The following SORCS1 variants were observed in gnomAD, a reference collection of about 807,000 sequenced individuals.
SORCS1 encodes VPS10 domain-containing receptor SorCS1.
In SORCS1, 60 loss-of-function variants were observed where a neutral mutation model predicts 146.1. The ratio of observed to expected loss-of-function variants is 0.41; its 90% CI spans 0.33 to 0.51. The LOEUF is 0.51. Ranked by LOEUF, SORCS1 falls within the 20% of genes least tolerant of loss-of-function variation. The pLI is 0.21. For synonymous variants in SORCS1, 637 were observed against 584.0 expected (o/e 1.09, Z -1.31); for missense variants, 1,352 against 1,487.6 (o/e 0.91, Z 1.50).
chr10:106,743,702 G>A (rs1857515413), intron 5 of SORCS1, among the ~76,000 whole-genome samples: 1 of 152,082 alleles, frequency 6.6e-6, no homozygotes, highest in Non-Finnish European at 1.5e-5. Flanking sequence ...TGGGATTATA[G>A]GTGTGAGCCA....
At position 106,577,198 on chromosome 10, in the gene SORCS1, G is replaced by C; in HGVS notation, c.*222C>G. On this transcript the variant is annotated 3_prime_UTR_variant, in exon 26 of 26. Coordinates refer to ENST00000263054, the MANE Select transcript of SORCS1 (RefSeq NM_052918.5). ...TATGTTTTGTTTTGTTTTTGTTTTT[G>C]TTTTTTTACTGGCGTCCTCCATTCA... The C allele has an allele frequency of 6.6e-7, 1 of 1,518,350 alleles. No individual in the cohort carries two copies. Among genetic ancestry groups the C allele is most frequent in the South Asian group, 1.2e-5 (1 of 84,956 alleles). The allele number at this position is 1,518,350 out of a possible 1,614,324, so 94.1% of individuals were successfully genotyped here. A position where few individuals can be genotyped will look rare whatever the true frequency, so the allele number is the denominator to read the frequency against.
intron 4 of SORCS1, among the ~76,000 whole-genome samples, chr10:106,767,139 G>A (rs988162664): frequency 2.0e-5 from 3 of 152,176 alleles, no homozygotes; most frequent in Admixed American, 1.3e-4. Flanking sequence ...ATGTCATTAA[G>A]GTCAAAAGAT....
chr10:106,732,844 G>A (rs1346632254), intron 5 of SORCS1, among the ~76,000 whole-genome samples: 1 of 152,152 alleles, frequency 6.6e-6, no homozygotes, highest in Non-Finnish European at 1.5e-5. Context: ...GGCAAGGCCA[G>A]GTGCAGTGGC....
intron 1 of SORCS1, among the ~76,000 whole-genome samples, chr10:107,023,621 G>A (rs549301191): frequency 2.2e-4 from 33 of 152,164 alleles, no homozygotes; most frequent in Non-Finnish European, 3.1e-4. Context: ...AGTAGAGACC[G>A]GAAGGACTAA....
intron 2 of SORCS1, among the ~76,000 whole-genome samples, chr10:106,862,852 A>T (rs1950076228): frequency 6.7e-6 from 1 of 150,156 alleles, no homozygotes; most frequent in Admixed American, 6.6e-5. Flanking sequence ...TGAGACTTAG[A>T]TTAAAGTAAG....
At chr10:106,734,098 T>C (rs1856791111) in intron 5 of SORCS1, among the ~76,000 whole-genome samples, 1 of 152,166 alleles carries the variant, frequency 6.6e-6, no homozygotes, top group Non-Finnish European at 1.5e-5. Context: ...TCTGTAAATA[T>C]ATGATAAAAA....
chr10:106,779,786 C>A (rs1170824025), intron 3 of SORCS1, among the ~76,000 whole-genome samples: 1 of 152,106 alleles, frequency 6.6e-6, no homozygotes, highest in East Asian at 1.9e-4. Context: ...CTGTGCCCAG[C>A]CCCCCAAATA....
intron 1 of SORCS1, among the ~76,000 whole-genome samples, chr10:107,000,037 G>C (rs972704525): frequency 2.6e-5 from 4 of 152,120 alleles, no homozygotes; most frequent in African/African-American, 9.7e-5. Flanking sequence ...CAGAGAAGTG[G>C]GAGAAGGGGA....
chr10:106,666,394 A>C (rs1233275285), intron 17 of SORCS1, among the ~76,000 whole-genome samples: 1 of 152,190 alleles, frequency 6.6e-6, no homozygotes, highest in African/African-American at 2.4e-5. Context: ...CCTTTGGACT[A>C]GAACTACAAC....
chr10:106,911,160 A>G (rs139502379), intron 2 of SORCS1, among the ~76,000 whole-genome samples: 6 of 152,362 alleles, frequency 3.9e-5, no homozygotes, highest in African/African-American at 1.4e-4. Flanking sequence ...GCATGGTGTT[A>G]ATTTTCAGTA....
Position 106,667,686 on chromosome 10 carries a change from T to C in SORCS1, c.2303+3A>G, listed in dbSNP as rs1326740873. The C allele has an allele frequency of 1.9e-6, 3 of 1,611,566 alleles. No homozygotes were observed. The highest frequency in any genetic ancestry group is 1.1e-5 in the South Asian group (1 of 90,754). On this transcript the variant is annotated splice_donor_region_variant and intron_variant, in intron 17 of 25. Coordinates refer to ENST00000263054, the MANE Select transcript of SORCS1 (RefSeq NM_052918.5). ...TCTCAAGGTCACTACTCCAGACACT[T>C]ACCCAGTACTATTGAGGTAACTCTG... is the stretch of plus-strand genomic sequence containing the variant.
chr10:106,839,922 C>A lies in SORCS1; in HGVS notation c.627-10249G>T, dbSNP rs147286606. ...CATGGCTTATTGGATATTTTAAGCC[C>A]ATTATTGAGACCTATTGCTCAGATA... On this transcript the variant is annotated intron_variant, in intron 2 of 25. Transcript: ENST00000263054. Among the ~76,000 whole-genome samples the A allele has an allele frequency of 6.0e-3, 915 of 152,238 alleles. 19 individuals carry two copies. Among genetic ancestry groups the A allele is most frequent in the African/African-American group, 0.021 (886 of 41,542 alleles).
chr10:106,718,449 G>C (rs1417701114), intron 6 of SORCS1, among the ~76,000 whole-genome samples: 5 of 152,192 alleles, frequency 3.3e-5, no homozygotes, highest in Admixed American at 6.5e-5. Context: ...CAGATGTTCA[G>C]ATGTGTCCAG....
intron 2 of SORCS1, among the ~76,000 whole-genome samples, chr10:106,840,010 A>C (rs1948954999): frequency 1.3e-5 from 2 of 152,196 alleles, no homozygotes; most frequent in Admixed American, 6.5e-5. Flanking sequence ...ATGAACTCTG[A>C]TGGAGATGTA....
chr10:106,911,973 T>C (rs906548122), intron 2 of SORCS1, among the ~76,000 whole-genome samples: 1 of 151,360 alleles, frequency 6.6e-6, no homozygotes, highest in South Asian at 2.1e-4. Flanking sequence ...ATTAGCCGGG[T>C]GTTGTGGCGG....
At chr10:107,102,191 T>G (rs1223833628) in intron 1 of SORCS1, among the ~76,000 whole-genome samples, 2 of 152,222 alleles carry the variant, frequency 1.3e-5, no homozygotes, top group Non-Finnish European at 2.9e-5. Flanking sequence ...CATTGCATTT[T>G]AAGGACTTGT....
intron 2 of SORCS1, among the ~76,000 whole-genome samples, chr10:106,877,248 C>T (rs987269985): frequency 4.6e-5 from 7 of 152,066 alleles, no homozygotes; most frequent in African/African-American, 1.7e-4. Flanking sequence ...GAGAAAAATG[C>T]TAGCATCAGT....
chr10:107,088,235 C>T (rs536389275), intron 1 of SORCS1, among the ~76,000 whole-genome samples: 1 of 152,062 alleles, frequency 6.6e-6, no homozygotes, highest in Non-Finnish European at 1.5e-5. Context: ...TTGTTCCCAC[C>T]CTTTCCCCTG....
chr10:106,987,734 C>T (rs1475888419), intron 1 of SORCS1, among the ~76,000 whole-genome samples: 1 of 152,196 alleles, frequency 6.6e-6, no homozygotes, highest in Non-Finnish European at 1.5e-5. Context: ...ATAATTATTA[C>T]CTGCAGAAAA....
Sources: allele counts gnomAD v4.1 joint callset (sites outside exome capture counted in the v4.1 genomes callset), GRCh38; gene constraint gnomAD v4.1.1; transcripts MANE v1.5; gene names NCBI Gene and HGNC (gene_info 2026-07-23, HGNC 2026-07-21).